SMG6: variants seen among roughly 807,000 people sequenced by gnomAD.
SMG6 encodes the protein SMG6 nonsense mediated mRNA decay factor.
In SMG6, 66 loss-of-function variants were observed where a neutral mutation model predicts 142.2. The ratio of observed to expected loss-of-function variants is 0.46; its 90% CI spans 0.38 to 0.57. The LOEUF (loss-of-function observed/expected upper bound fraction) is 0.57. Among genes scored for constraint, SMG6 ranks in the 20% least tolerant of loss-of-function variants. The pLI is 0.00. For synonymous variants in SMG6, 779 were observed against 702.4 expected (o/e 1.11, Z -1.72); for missense variants, 1,793 against 1,832.0 (o/e 0.98, Z 0.39).
chr17:2,067,681 G>T (rs575693076), intron 16 of SMG6, among the ~76,000 whole-genome samples: 33 of 152,144 alleles, frequency 2.2e-4, no homozygotes, highest in Non-Finnish European at 4.9e-4. Flanking sequence ...GAAGGAAGAC[G>T]GGGAGGGTGG....
chr17:2,118,518 G>A (rs1405016318), intron 13 of SMG6, among the ~76,000 whole-genome samples: 1 of 151,730 alleles, frequency 6.6e-6, no homozygotes, highest in African/African-American at 2.4e-5. Context: ...CAGCCTGGGT[G>A]TAAGAGTGAG....
At chr17:2,293,429 CA>C (rs2075082305) in intron 4 of SMG6, among the ~76,000 whole-genome samples, 2 of 151,140 alleles carry the variant, frequency 1.3e-5, no homozygotes, top group Non-Finnish European at 2.9e-5. Context: ...TATAAAGAGA[CA>C]AACAAATATG....
At chr17:2,081,296 G>A (rs1196132444) in intron 15 of SMG6, among the ~76,000 whole-genome samples, 1 of 152,194 alleles carries the variant, frequency 6.6e-6, no homozygotes, top group Non-Finnish European at 1.5e-5. Flanking sequence ...GGGCTGATGG[G>A]GGTCAAAGTC....
At chr17:2,138,554 A>G (rs2070377345) in intron 13 of SMG6, among the ~76,000 whole-genome samples, 1 of 152,212 alleles carries the variant, frequency 6.6e-6, no homozygotes, top group African/African-American at 2.4e-5. Context: ...CTACAGGAGT[A>G]GTAGACCAGA....
intron 6 of SMG6, among the ~76,000 whole-genome samples, chr17:2,291,363 T>C (rs2075033789): frequency 6.7e-6 from 1 of 148,770 alleles, no homozygotes; most frequent in Non-Finnish European, 1.5e-5. Flanking sequence ...GTTCTGACAC[T>C]AGATAAAGGT....
At chr17:2,266,124 C>A in intron 8 of SMG6, 2 of 985,382 alleles carry the variant, frequency 2.0e-6, no homozygotes, top group Non-Finnish European at 2.4e-6. Context: ...AAGTCTTTTA[C>A]AATTATTGCT....
At chr17:2,065,809 A>G (rs2067926452) in intron 16 of SMG6, 130 bp from the exon 17 acceptor site, 8 of 766,790 alleles carry the variant, frequency 1.0e-5, no homozygotes, top group Admixed American at 2.3e-5. Context: ...GAGTCTTCCA[A>G]TGAAACTAGG....
At chr17:2,250,393 T>TG (rs953620838) in intron 8 of SMG6, among the ~76,000 whole-genome samples, 37 of 81,756 alleles carry the variant, frequency 4.5e-4, no homozygotes, top group Non-Finnish European at 1.3e-3. Context: ...TTATATACAC[T>TG]TTTTTTTTTT....
At chr17:2,265,123 C>T (rs1053879938) in intron 8 of SMG6, among the ~76,000 whole-genome samples, 6 of 152,134 alleles carry the variant, frequency 3.9e-5, no homozygotes, top group African/African-American at 1.4e-4. Flanking sequence ...CAGAATATGA[C>T]CACCCATCCC....
At chr17:2,289,543 TGC>T (rs1487098722) in intron 6 of SMG6, among the ~76,000 whole-genome samples, 1 of 151,828 alleles carries the variant, frequency 6.6e-6, no homozygotes, top group Admixed American at 6.6e-5. Context: ...GGTGACAGAG[TGC>T]GATCCTATCT....
At chr17:2,169,042 A>G (rs993227575) in intron 13 of SMG6, among the ~76,000 whole-genome samples, 3 of 150,550 alleles carry the variant, frequency 2.0e-5, no homozygotes, top group African/African-American at 4.9e-5. Context: ...CACCATGCCC[A>G]GCCAAAACTT....
intron 13 of SMG6, among the ~76,000 whole-genome samples, chr17:2,147,093 G>A (rs2070692031): frequency 6.6e-6 from 1 of 152,136 alleles, no homozygotes; most frequent in Non-Finnish European, 1.5e-5. Context: ...GTTTGGTTTA[G>A]AAAGCTATAG....
chr17:2,115,474 T>C (rs1416221043), intron 13 of SMG6, among the ~76,000 whole-genome samples: 1 of 152,048 alleles, frequency 6.6e-6, no homozygotes, highest in Non-Finnish European at 1.5e-5. Flanking sequence ...AAAAATTTAA[T>C]AGTAATGGCA....
At position 2,158,881 on chromosome 17, in the gene SMG6, T is replaced by A. The variant is rs572973765; in HGVS notation, c.3357+13777A>T. Among the ~76,000 whole-genome samples the A allele has an allele frequency of 3.2e-3, 469 of 145,706 alleles. 5 individuals carry two copies. Among genetic ancestry groups the A allele is most frequent in the Non-Finnish European group, 3.3e-3 (217 of 66,484 alleles). On this transcript the variant is annotated intron_variant, in intron 13 of 18. Transcript: ENST00000263073. ...GTTTCAAAAAAAAAAAAAAAAAGTT[T>A]GCTGTTCAAGACTATGTTTAAAAAA...
chr17:2,267,347 A>G (rs1374771620), intron 8 of SMG6, among the ~76,000 whole-genome samples: 1 of 146,172 alleles, frequency 6.8e-6, no homozygotes, highest in African/African-American at 2.5e-5. Context: ...AGGACCACCC[A>G]CCACACCTGG....
chr17:2,131,092 A>G (rs1480163415), intron 13 of SMG6, among the ~76,000 whole-genome samples: 2 of 152,222 alleles, frequency 1.3e-5, no homozygotes, highest in Non-Finnish European at 2.9e-5. Context: ...TATTATTAAA[A>G]CAATTGATTT....
chr17:2,168,467 G>A (rs768414053), intron 13 of SMG6, among the ~76,000 whole-genome samples: 2 of 152,198 alleles, frequency 1.3e-5, no homozygotes, highest in East Asian at 1.9e-4. Flanking sequence ...ACAGGCGTGA[G>A]CCATCACGCT....
At chr17:2,250,133 C>A (rs2074014577) in intron 8 of SMG6, among the ~76,000 whole-genome samples, 2 of 152,006 alleles carry the variant, frequency 1.3e-5, no homozygotes, top group Admixed American at 1.3e-4. Context: ...GACTGTGGAG[C>A]AAGGAAGGAG....
At chr17:2,208,510 C>T in intron 10 of SMG6, among the ~76,000 whole-genome samples, 1 of 152,234 alleles carries the variant, frequency 6.6e-6, no homozygotes, top group East Asian at 1.9e-4. Flanking sequence ...GTGCTTACTG[C>T]AGCGCCTGGG....
Sources: gnomAD v4.1 joint callset for allele counts (sites outside exome capture counted in the v4.1 genomes callset) on GRCh38, gnomAD v4.1.1 for gene constraint, MANE v1.5 for transcripts, NCBI Gene and HGNC (gene_info 2026-07-23, HGNC 2026-07-21) for gene names.